The following CHN2 variants were observed in gnomAD, a reference collection of about 807,000 sequenced individuals.
CHN2 encodes the protein chimerin 2.
CHN2 carries 35 observed loss-of-function variants against 56.3 expected under a neutral mutation model. The ratio of observed to expected loss-of-function variants is 0.62; its 90% CI spans 0.47 to 0.82. The LOEUF is 0.82. Among genes scored for constraint, CHN2 ranks in the 40% least tolerant of loss-of-function variants. CHN2 has a pLI of 0.00. For missense variants in CHN2, 491 were observed against 580.5 expected, an observed-to-expected ratio of 0.85 and a Z score of 1.58; for synonymous variants, 210 against 212.8, an observed-to-expected ratio of 0.99 and a Z score of 0.12.
Position 29,246,688 on chromosome 7 carries a change from A to T in CHN2, c.49+51698A>T, listed in dbSNP as rs139987575. ...CTAAACTAGGTGGCTTATAAACAAC[A>T]GAAATTTACTTCTCACAGTTCTGGA... is the stretch of plus-strand genomic sequence containing the variant. On this transcript the variant is annotated intron_variant, in intron 1 of 12. Coordinates refer to ENST00000222792, the MANE Select transcript of CHN2 (RefSeq NM_004067.4). 9.7e-3 allele frequency among the ~76,000 whole-genome samples: 1,475 copies of T among 152,332 alleles called. 24 individuals are homozygous for T. The highest frequency in any genetic ancestry group is 0.033 in the African/African-American group (1,376 of 41,580).
At chr7:29,234,252 A>G (rs1486477976) in intron 1 of CHN2, among the ~76,000 whole-genome samples, 3 of 137,830 alleles carry the variant, frequency 2.2e-5, no homozygotes, top group Non-Finnish European at 4.8e-5. Context: ...GCAATAAGAA[A>G]CTGATATAGT....
intron 1 of CHN2, among the ~76,000 whole-genome samples, chr7:29,246,736 G>C (rs916957798): frequency 3.3e-5 from 5 of 152,176 alleles, no homozygotes; most frequent in African/African-American, 1.2e-4. Context: ...CAGGATCAGG[G>C]CACCTGCAGA....
At chr7:29,347,902 C>A (rs923321036) in intron 1 of CHN2, among the ~76,000 whole-genome samples, 1 of 152,152 alleles carries the variant, frequency 6.6e-6, no homozygotes, top group South Asian at 2.1e-4. Flanking sequence ...AATTGCAGAA[C>A]AGTATGTATG....
At chr7:29,307,494 A>G (rs1410143947) in intron 1 of CHN2, among the ~76,000 whole-genome samples, 1 of 152,184 alleles carries the variant, frequency 6.6e-6, no homozygotes, top group Non-Finnish European at 1.5e-5. Flanking sequence ...TTACATGTCA[A>G]GTGGGAATTA....
intron 1 of CHN2, among the ~76,000 whole-genome samples, chr7:29,204,067 CTGTGTGTGTGTGTG>C (rs55930139): frequency 1.2e-3 from 158 of 128,852 alleles, no homozygotes; most frequent in Middle Eastern, 4.1e-3. Context: ...TTCTCTCTCT[CTGTGTGTGTGTGTG>C]TGTGTGTGTG....
At chr7:29,267,094 CTT>C (rs1420664499) in intron 1 of CHN2, among the ~76,000 whole-genome samples, 1 of 152,066 alleles carries the variant, frequency 6.6e-6, no homozygotes, top group African/African-American at 2.4e-5. Context: ...GCTCTTAGAA[CTT>C]TTTACTCCGT....
intron 1 of CHN2, chr7:29,197,991 C>T: frequency 2.2e-6 from 1 of 456,248 alleles, no homozygotes; most frequent in Non-Finnish European, 4.4e-6. Context: ...TGGGTAAGTT[C>T]ATGGCATTAT....
chr7:29,343,739 G>A (rs1198956151), intron 1 of CHN2, among the ~76,000 whole-genome samples: 4 of 152,090 alleles, frequency 2.6e-5, no homozygotes, highest in African/African-American at 9.6e-5. Flanking sequence ...CTCCTCAGGG[G>A]CTCTGTCAAA....
intron 1 of CHN2, among the ~76,000 whole-genome samples, chr7:29,313,183 C>T (rs760830335): frequency 2.0e-5 from 3 of 152,218 alleles, no homozygotes; most frequent in Admixed American, 6.5e-5. Context: ...ACAAGTCACC[C>T]ATGACCCGCC....
intron 2 of CHN2, among the ~76,000 whole-genome samples, chr7:29,171,521 C>A (rs1796601696): frequency 6.6e-6 from 1 of 152,138 alleles, no homozygotes; most frequent in African/African-American, 2.4e-5. Flanking sequence ...CAATTCAGCC[C>A]CGAGCTTTCT....
rs11287820 is a variant in CHN2 at position 29,203,467 on chromosome 7, C to CAAA, written c.49+8500_49+8502dup. On this transcript the variant is annotated intron_variant, in intron 1 of 12. Transcript: ENST00000222792. ...GGGCAACATGAGTGAAACTCCGTCT[C>CAAA]AAAAAAAAAAAAAAAAAAAAAAAAA... Among the ~76,000 whole-genome samples, 46 of 55,520 alleles carry CAAA rather than the reference C, an allele frequency of 8.3e-4. 1 individual carries two copies. Among genetic ancestry groups the CAAA allele is most frequent in the African/African-American group, 9.3e-4 (16 of 17,168 alleles). 36.4% of individuals were successfully genotyped at this position (55,520 alleles called of 152,430 possible). A position where few individuals can be genotyped will look rare whatever the true frequency, so the allele number is the denominator to read the frequency against.
intron 2 of CHN2, 68 bp from the exon 3 acceptor site, chr7:29,367,864 C>T (rs1264989246): frequency 7.6e-7 from 1 of 1,311,320 alleles, no homozygotes; most frequent in Non-Finnish European, 1.0e-6. Flanking sequence ...TATTTGAAGG[C>T]ACGTTGATAT....
At chr7:29,266,685 A>G (rs1036636424) in intron 1 of CHN2, among the ~76,000 whole-genome samples, 1 of 152,218 alleles carries the variant, frequency 6.6e-6, no homozygotes, top group Non-Finnish European at 1.5e-5. Context: ...TCATCCAGCC[A>G]GGGAAAGTGG....
rs1175429614 is a variant in CHN2, at chr7:29,233,825, ATTTTTTTTTT to A, written c.49+38852_49+38861del. 1.2e-3 allele frequency among the ~76,000 whole-genome samples: 63 copies of A among 53,204 alleles called. 3 individuals are homozygous for A. The South Asian group carries it at 0.04, about 34-fold the overall frequency. 34.9% of individuals were successfully genotyped at this position (53,204 alleles called of 152,430 possible). ...AGAATGCAGCCCTGCCAACACCTTG[ATTTTTTTTTT>A]TTTTTTTTTTTTTTTTGAGATGGAG... On this transcript the variant is annotated intron_variant, in intron 1 of 12. Transcript: ENST00000222792.
At chr7:29,195,222 T>G (rs1036014003) in intron 1 of CHN2, 1 of 452,102 alleles carries the variant, frequency 2.2e-6, no homozygotes, top group East Asian at 3.7e-5. Context: ...GCCCTTAGTG[T>G]GCGGACGCGG....
chr7:29,197,282 G>A (rs905209290), intron 1 of CHN2, among the ~76,000 whole-genome samples: 125 of 152,308 alleles, frequency 8.2e-4, no homozygotes, highest in Non-Finnish European at 1.4e-3. Flanking sequence ...GGCTAAGGGG[G>A]AAAGATAATT....
intron 1 of CHN2, among the ~76,000 whole-genome samples, chr7:29,284,039 CTG>C (rs1305407823): frequency 6.8e-6 from 1 of 146,194 alleles, no homozygotes; most frequent in Non-Finnish European, 1.5e-5. Context: ...CCCTCCCTGT[CTG>C]TAGCTGGGAC....
rs771041043 is a variant in CHN2 at position 29,504,746 on chromosome 7, T to G, written c.916T>G (p.Leu306Val). 2 of 1,605,404 alleles carry G rather than the reference T, an allele frequency of 1.2e-6. No individual in the cohort carries two copies. The highest frequency in any genetic ancestry group is 2.7e-5 in the African/African-American group (2 of 74,536). The change falls in exon 10 of 13, where the codon TTA (leucine) becomes GTA (valine). Residue 306 changes from leucine (L) to valine (V), a missense_variant and splice_region_variant. Physicochemically the swap from Leu to Val is conservative, Grantham distance 32 (BLOSUM62 1). Coordinates refer to ENST00000222792, the MANE Select transcript of CHN2 (RefSeq NM_004067.4). ...ICIREIEARGLKSEGLYRVSG... is the reference protein window; with the variant it reads ...ICIREIEARGVKSEGLYRVSG... Reference sequence around the variant, plus strand: ...GTCTCTCTCTCTCTCTCTAACAGGATTAAAATCGGAAGGCCTTTACAGAGT... The same window carrying G: ...GTCTCTCTCTCTCTCTCTAACAGGAGTAAAATCGGAAGGCCTTTACAGAGT...
intron 2 of CHN2, chr7:29,147,391 G>GC (rs1455793268): frequency 6.2e-6 from 1 of 160,046 alleles, no homozygotes; most frequent in Non-Finnish European, 1.4e-5. Context: ...CAGTAGAGCA[G>GC]CCCAGCCAAC....
Sources: gnomAD v4.1 joint callset for allele counts (sites outside exome capture counted in the v4.1 genomes callset) on GRCh38, gnomAD v4.1.1 for gene constraint, MANE v1.5 for transcripts, NCBI Gene and HGNC (gene_info 2026-07-23, HGNC 2026-07-21) for gene names.